Variants in PROC observed in about 807,000 individuals in gnomAD.
PROC encodes vitamin K-dependent protein C.
In PROC, 22 loss-of-function variants were observed where a neutral mutation model predicts 36.3. The observed-to-expected ratio is 0.61, with a 90% CI of 0.43 to 0.86. PROC has a LOEUF of 0.86. Ranked by LOEUF, PROC falls within the 40% of genes least tolerant of loss-of-function variation. PROC has a pLI of 0.00. For missense variants in PROC, 526 were observed against 629.7 expected, an observed-to-expected ratio of 0.84 and a Z score of 1.76; for synonymous variants, 218 against 244.5, an observed-to-expected ratio of 0.89 and a Z score of 1.01.
chr2:127,423,009 C>A (rs1409026267), intron 4 of PROC, 25 bp from the exon 5 acceptor site: 3 of 1,612,444 alleles, frequency 1.9e-6, no homozygotes, highest in Non-Finnish European at 2.5e-6. Flanking sequence ...TGGCCGCTGA[C>A]CCCCTACCCC....
At position 127,426,377 on chromosome 2, in the gene PROC, G is replaced by C. The variant is rs1029323907; in HGVS notation, c.678+150G>C. 6.0e-6 allele frequency: 7 copies of C among 1,174,360 alleles called. No individual in the cohort carries two copies. Among genetic ancestry groups the C allele is most frequent in the Non-Finnish European group, 8.4e-6 (7 of 832,966 alleles). 72.7% of individuals were successfully genotyped at this position (1,174,360 alleles called of 1,614,324 possible). Reference sequence around the variant, plus strand: ...GAAGGTGGGGGATGCTTCAGGGAAAGATGGACGCAACCTGAGGGGAGAGGA... The same window carrying C: ...GAAGGTGGGGGATGCTTCAGGGAAACATGGACGCAACCTGAGGGGAGAGGA... On this transcript the variant is annotated intron_variant, in intron 7 of 8. Coordinates refer to ENST00000234071, the MANE Select transcript of PROC (RefSeq NM_000312.4). The surrounding 1 kb of genome is among the most constrained non-coding windows in gnomAD (Gnocchi z 7.0).
intron 6 of PROC, 60 bp downstream of exon 6, chr2:127,423,468 C>T (rs1688263737): frequency 6.6e-7 from 1 of 1,525,378 alleles, no homozygotes; most frequent in South Asian, 1.2e-5. Flanking sequence ...GGCAGGCCCC[C>T]TGACGGGGCG....
intron 6 of PROC, among the ~76,000 whole-genome samples, chr2:127,425,208 G>A (rs1031304431): frequency 3.3e-5 from 5 of 152,174 alleles, no homozygotes; most frequent in Admixed American, 1.3e-4. Flanking sequence ...GCTTCTGGGC[G>A]CCCCCATCAC....
Position 127,422,942 on chromosome 2 carries a change from G to T in PROC, c.262+1G>T. 1 of 1,595,858 alleles carries T rather than the reference G, an allele frequency of 6.3e-7. No homozygotes were observed. Among genetic ancestry groups the T allele is most frequent in the Middle Eastern group, 1.7e-4 (1 of 6,038 alleles). ...CTGGCCTTCTGGTCCAAGCACGTCG[G>T]TGAGTGCGTTCTAGATCCCCGGCTG... On this transcript the variant is annotated splice_donor_variant, in intron 4 of 8. Transcript: ENST00000234071. LOFTEE classifies it high-confidence loss of function.
At chr2:127,423,003 C>A in intron 4 of PROC, 31 bp from the exon 5 acceptor site, 1 of 1,612,534 alleles carries the variant, frequency 6.2e-7, no homozygotes, top group Non-Finnish European at 8.5e-7. Flanking sequence ...GATCTCTGGC[C>A]GCTGACCCCC....
chr2:127,422,877 A>G (rs777423136), intron 3 of PROC, 40 bp from the exon 4 acceptor site: 14 of 1,548,284 alleles, frequency 9.0e-6, no homozygotes, highest in Admixed American at 3.9e-5. Context: ...CCCTCCGCAC[A>G]CCGGCTGCAG....
chr2:127,429,163 C>A lies in PROC; in HGVS notation c.*217C>A. 1.6e-6 allele frequency: 1 copy of A among 607,612 alleles called. No individual in the cohort carries two copies. The highest frequency in any genetic ancestry group is 2.9e-6 in the Non-Finnish European group (1 of 347,802). The allele number at this position is 607,612 out of a possible 1,614,324, so 37.6% of individuals were successfully genotyped here. On this transcript the variant is annotated 3_prime_UTR_variant, in exon 9 of 9. Coordinates refer to ENST00000234071, the MANE Select transcript of PROC (RefSeq NM_000312.4). ...TCTGTGGGGTGGGGAGGAGCAGATC[C>A]AAGTTTTGCGGGGTCTAAAGCTGTG...
chr2:127,421,567 T>C, intron 3 of PROC, 118 bp downstream of exon 3: 1 of 1,210,710 alleles, frequency 8.3e-7, no homozygotes, highest in Non-Finnish European at 1.2e-6. Context: ...TGGGGGTGGC[T>C]GAGTGGAGCG....
chr2:127,427,206 G>A lies in PROC; in HGVS notation c.780G>A (p.Lys260=), dbSNP rs1321852028. ...TAAHCMDESK[K]LLVRLGEYDL... ...CCCACTGCATGGATGAGTCCAAGAA[G>A]CTCCTTGTCAGGCTTGGTATGGGCT... Residue 260 remains lysine (K), a synonymous_variant, in exon 8 of 9, where the codon AAG becomes AAA. Coordinates refer to ENST00000234071, the MANE Select transcript of PROC (RefSeq NM_000312.4). 1 of 1,613,146 alleles carries A rather than the reference G, an allele frequency of 6.2e-7. No individual in the cohort carries two copies. The highest frequency in any genetic ancestry group is 8.5e-7 in the Non-Finnish European group (1 of 1,179,892).
chr2:127,426,405 A>T lies in PROC; in HGVS notation c.678+178A>T. 1.1e-5 allele frequency: 9 copies of T among 813,128 alleles called. No individual in the cohort carries two copies. Among genetic ancestry groups the T allele is most frequent in the Non-Finnish European group, 1.5e-5 (8 of 524,568 alleles). 50.4% of individuals were successfully genotyped at this position (813,128 alleles called of 1,614,324 possible). ...GGACGCAACCTGAGGGGAGAGGAGC[A>T]GCCAGGGTGGGTGAGGGGAGGGGCA... On this transcript the variant is annotated intron_variant, in intron 7 of 8. Transcript: ENST00000234071. This position sits in a 1 kb window ranked among gnomAD's most constrained non-coding sequence, Gnocchi z 7.0.
At chr2:127,424,534 T>C (rs1688359036) in intron 6 of PROC, among the ~76,000 whole-genome samples, 1 of 152,276 alleles carries the variant, frequency 6.6e-6, no homozygotes, top group Middle Eastern at 3.4e-3. Context: ...TATAATTCAA[T>C]TCTTCTGCAG....
In PROC at chr2:127,429,120, C is replaced by T. The variant is rs1688723903; in HGVS notation, c.*174C>T. The T allele has an allele frequency of 1.4e-6, 1 of 739,484 alleles. No individual in the cohort carries two copies. Among genetic ancestry groups the T allele is most frequent in the Non-Finnish European group, 2.2e-6 (1 of 453,052 alleles). 45.8% of individuals were successfully genotyped at this position (739,484 alleles called of 1,614,324 possible). A position where few individuals can be genotyped will look rare whatever the true frequency, so the allele number is the denominator to read the frequency against. On this transcript the variant is annotated 3_prime_UTR_variant, in exon 9 of 9. Transcript: ENST00000234071. ...ATGTCACATGCCTTATGAATAGAAT[C>T]TTAACTCCTAGAGCAACTCTGTGGG...
Position 127,428,808 on chromosome 2 carries a change from G to C in PROC, c.1248G>C (p.Leu416=). 1 of 1,612,148 alleles carries C rather than the reference G, an allele frequency of 6.2e-7. No individual in the cohort carries two copies. Among genetic ancestry groups the C allele is most frequent in the Non-Finnish European group, 8.5e-7 (1 of 1,178,922 alleles). The change falls in exon 9 of 9, where the codon CTG becomes CTC. Residue 416 remains leucine (L), a synonymous_variant. Transcript: ENST00000234071. The stretch of plus-strand genomic sequence containing the variant: ...CCTCCTTCCACGGCACCTGGTTCCT[G>C]GTGGGCCTGGTGAGCTGGGGTGAGG... ...MVASFHGTWF[L]VGLVSWGEGC...
rs202150408 is a variant in PROC at position 127,428,435 on chromosome 2, G to A, written c.875G>A (p.Ser292Asn). The A allele has an allele frequency of 1.2e-6, 2 of 1,614,152 alleles. No homozygotes were observed. The highest frequency in any genetic ancestry group is 4.5e-5 in the East Asian group (2 of 44,872). Reference sequence around the variant, plus strand: ...GAGGTCTTCGTCCACCCCAACTACAGCAAGAGCACCACCGACAATGACATC... The same window carrying A: ...GAGGTCTTCGTCCACCCCAACTACAACAAGAGCACCACCGACAATGACATC... ...IKEVFVHPNY[S>N]KSTTDNDIAL... is the part of the protein sequence containing the mutation. Residue 292 changes from serine (S) to asparagine (N), a missense_variant, in exon 9 of 9, where the codon AGC becomes AAC. Transcript: ENST00000234071.
chr2:127,423,736 G>A lies in PROC; in HGVS notation c.535+328G>A, dbSNP rs1688293445. 8.2e-6 allele frequency: 3 copies of A among 364,700 alleles called. No individual in the cohort carries two copies. The East Asian group carries it at 1.4e-4, about 17-fold the overall frequency. The allele number at this position is 364,700 out of a possible 1,614,324, so 22.6% of individuals were successfully genotyped here. Reference sequence around the variant, plus strand: ...GCTCCCCAGTCTGAGCGTATCTGGGGCGAGGCGTGCAGCGTCCTCCTCCAT... The same window carrying A: ...GCTCCCCAGTCTGAGCGTATCTGGGACGAGGCGTGCAGCGTCCTCCTCCAT... On this transcript the variant is annotated intron_variant, in intron 6 of 8. Coordinates refer to ENST00000234071, the MANE Select transcript of PROC (RefSeq NM_000312.4).
Position 127,427,396 on chromosome 2 carries a change from T to C in PROC, c.796+174T>C, listed in dbSNP as rs1272772285. On this transcript the variant is annotated intron_variant, in intron 8 of 8. Transcript: ENST00000234071. Reference sequence around the variant, plus strand: ...TATGTGCCCCCACCCTGCCCACCCATGTACACCCAGTATTTTGCAGTAGGG... The same window carrying C: ...TATGTGCCCCCACCCTGCCCACCCACGTACACCCAGTATTTTGCAGTAGGG... 5.3e-5 allele frequency among the ~76,000 whole-genome samples: 7 copies of C among 132,310 alleles called. No homozygotes were observed. In the East Asian group the frequency reaches 1.8e-3, roughly 35 times the overall value. The allele number at this position is 132,310 out of a possible 152,430, so 86.8% of individuals were successfully genotyped here.
rs547483675 is a variant in PROC, at chr2:127,421,165, G to C, written c.71-118G>C. The C allele has an allele frequency of 2.8e-4, 290 of 1,028,082 alleles. 12 individuals are homozygous for C. Among genetic ancestry groups the C allele is most frequent in the South Asian group, 2.8e-3 (203 of 72,504 alleles). 63.7% of individuals were successfully genotyped at this position (1,028,082 alleles called of 1,614,324 possible). A position where few individuals can be genotyped will look rare whatever the true frequency, so the allele number is the denominator to read the frequency against. On this transcript the variant is annotated intron_variant, in intron 2 of 8. Transcript: ENST00000234071. ...GACCTAGAATTAGAATGAGTCTTGA[G>C]GGGGCGGAGACAAGACCTTCCCAGG...
chr2:127,423,819 A>G (rs1461945404), intron 6 of PROC, among the ~76,000 whole-genome samples: 2 of 151,220 alleles, frequency 1.3e-5, no homozygotes, highest in Non-Finnish European at 3.0e-5. Context: ...TTCCCTCTTT[A>G]CCCCCTTGCT....
At chr2:127,422,786 TCGGG>T (rs1688184539) in intron 3 of PROC, 127 bp from the exon 4 acceptor site, 1 of 1,288,610 alleles carries the variant, frequency 7.8e-7, no homozygotes, top group Non-Finnish European at 1.1e-6. Flanking sequence ...CCAACGACCA[TCGGG>T]CGTCGATCCC....
Sources: allele counts gnomAD v4.1 joint callset (sites outside exome capture counted in the v4.1 genomes callset), GRCh38; gene constraint gnomAD v4.1.1; non-coding constraint Gnocchi (gnomAD v3.1); transcripts MANE v1.5; gene names NCBI Gene and HGNC (gene_info 2026-07-23, HGNC 2026-07-21).